Variants in PIK3CA observed in about 807,000 individuals in gnomAD.
PIK3CA encodes phosphatidylinositol-4,5-bisphosphate 3-kinase catalytic subunit alpha.
PIK3CA carries 27 observed loss-of-function variants against 138.2 expected under a neutral mutation model. That is an observed-to-expected ratio of 0.20 (90% CI 0.14 to 0.27). PIK3CA has a LOEUF of 0.27. PIK3CA is among the 10% of genes least tolerant of loss of function. The probability of loss-of-function intolerance (pLI) is 1.00; values close to 1 mark genes in which losing one functional copy is unlikely to be tolerated. For missense variants in PIK3CA, 544 were observed against 1,277.4 expected (o/e 0.43, Z 8.75); for synonymous variants, 358 against 413.2 (o/e 0.87, Z 1.62).
intron 1 of PIK3CA, among the ~76,000 whole-genome samples, chr3:179,193,968 T>C (rs1724199330): frequency 1.3e-5 from 2 of 152,232 alleles, no homozygotes; most frequent in African/African-American, 4.8e-5. Context: ...TTAAATTTAA[T>C]AATCCCATCC....
intron 1 of PIK3CA, among the ~76,000 whole-genome samples, chr3:179,197,487 C>T (rs1724298463): frequency 6.6e-6 from 1 of 152,214 alleles, no homozygotes; most frequent in African/African-American, 2.4e-5. Context: ...AATTACCCTA[C>T]ACACAGCATA....
At chr3:179,155,872 GA>G in intron 1 of PIK3CA, among the ~76,000 whole-genome samples, 1 of 152,030 alleles carries the variant, frequency 6.6e-6, no homozygotes, top group Non-Finnish European at 1.5e-5. Flanking sequence ...GTGCTGTGGT[GA>G]AAAAAAATTC....
chr3:179,214,542 A>G (rs186090205), intron 9 of PIK3CA, among the ~76,000 whole-genome samples: 244 of 152,258 alleles, frequency 1.6e-3, no homozygotes, highest in Non-Finnish European at 3.0e-3. Flanking sequence ...CTGATCTTTG[A>G]TCACAGATCA....
chr3:179,204,586 C>G lies in PIK3CA; in HGVS notation c.1143C>G (p.Pro381=), dbSNP rs72561481. The part of the protein sequence containing the change: ...VNTQRVPCSN[P]RWNEWLNYDI... The stretch of plus-strand genomic sequence containing the variant: ...CTCAAAGAGTACCTTGTTCCAATCC[C>G]AGGTAAGGAAGTATATAGATTTATA... The change falls in exon 6 of 21, where the codon CCC becomes CCG. Residue 381 remains proline (P), a splice_region_variant and synonymous_variant. Transcript: ENST00000263967. 5.7e-4 allele frequency: 828 copies of G among 1,450,270 alleles called. 1 individual carries two copies. In the African/African-American group the frequency reaches 0.01, roughly 18 times the overall value. 89.8% of individuals were successfully genotyped at this position (1,450,270 alleles called of 1,614,324 possible). A position where few individuals can be genotyped will look rare whatever the true frequency, so the allele number is the denominator to read the frequency against.
Position 179,199,130 on chromosome 3 carries a change from T to A in PIK3CA, c.305T>A (p.Ile102Asn), listed in dbSNP as rs2108386225. Residue 102 changes from isoleucine (I) to asparagine (N), a missense_variant, in exon 2 of 21, where the codon ATT (isoleucine) becomes AAT (asparagine). Coordinates refer to ENST00000263967, the MANE Select transcript of PIK3CA (RefSeq NM_006218.4). ...LRLFQPFLKV[I>N]EPVGNREEKI... Reference sequence around the variant, plus strand: ...CTTTTTCAACCCTTTTTAAAAGTAATTGAACCAGTAGGCAACCGTGAAGAA... The same window carrying A: ...CTTTTTCAACCCTTTTTAAAAGTAAATGAACCAGTAGGCAACCGTGAAGAA... 1 of 1,604,664 alleles carries A rather than the reference T, an allele frequency of 6.2e-7. No individual in the cohort carries two copies. The highest frequency in any genetic ancestry group is 8.5e-7 in the Non-Finnish European group (1 of 1,177,270).
intron 6 of PIK3CA, among the ~76,000 whole-genome samples, chr3:179,207,569 C>T (rs1417273335): frequency 2.7e-5 from 4 of 145,610 alleles, no homozygotes; most frequent in African/African-American, 7.7e-5. Context: ...TTTTTGGAGG[C>T]GGAGTCTTGC....
At position 179,224,773 on chromosome 3, in the gene PIK3CA, T is replaced by C. The variant is rs2108418067; in HGVS notation, c.2368T>C (p.Ser790Pro). Residue 790 changes from serine (S) to proline (P), a missense_variant, in exon 16 of 21, where the codon TCA (serine) becomes CCA (proline). This residue lies in a region of PIK3CA where 72 missense variants were observed against 271.8 expected (regional missense o/e 0.26). Coordinates refer to ENST00000263967, the MANE Select transcript of PIK3CA (RefSeq NM_006218.4). The part of the protein sequence containing the change: ...WLNWENPDIM[S>P]ELLFQNNEII... ...GAATTGGGAGAACCCAGACATCATG[T>C]CAGAGTTACTGTTTCAGAACAATGA... The C allele has an allele frequency of 2.5e-6, 4 of 1,606,728 alleles. No homozygotes were observed. The highest frequency in any genetic ancestry group is 3.4e-6 in the Non-Finnish European group (4 of 1,173,872).
chr3:179,201,609 A>ATTATTTT, intron 4 of PIK3CA, 69 bp downstream of exon 4: 1 of 762,314 alleles, frequency 1.3e-6, no homozygotes. Flanking sequence ...GAGTATCTGT[A>ATTATTTT]TTTTTTTTTT....
At position 179,194,607 on chromosome 3, in the gene PIK3CA, CCTT is replaced by C. The variant is rs377218746; in HGVS notation, c.-76-4139_-76-4137del. ...TGGCCCCTACCTACCTTTTGCCTCT[CCTT>C]CTTTGTCACATACTCCACCTGTTCC... On this transcript the variant is annotated intron_variant, in intron 1 of 20. Transcript: ENST00000263967. 3.3e-4 allele frequency among the ~76,000 whole-genome samples: 51 copies of C among 152,296 alleles called. No homozygotes were observed. The East Asian group carries it at 4.4e-3, about 13-fold the overall frequency.
chr3:179,173,416 A>C (rs1175852749), intron 1 of PIK3CA, among the ~76,000 whole-genome samples: 3 of 149,628 alleles, frequency 2.0e-5, no homozygotes, highest in Admixed American at 6.6e-5. Flanking sequence ...AAAAAAAAAA[A>C]AAAAAAAAAA....
chr3:179,212,199 G>T (rs1724730514), intron 9 of PIK3CA, among the ~76,000 whole-genome samples: 2 of 151,408 alleles, frequency 1.3e-5, no homozygotes, highest in Admixed American at 1.3e-4. Context: ...ATAGAGACGG[G>T]GTGTCTCCAT....
intron 16 of PIK3CA, 41 bp downstream of exon 16, chr3:179,224,862 G>A (rs541162530): frequency 1.4e-6 from 2 of 1,459,846 alleles, no homozygotes; most frequent in Non-Finnish European, 1.9e-6. Flanking sequence ...CATGAATTTA[G>A]CTATCTTTTT....
Position 179,210,166 on chromosome 3 carries a change from A to G in PIK3CA, c.1252-20A>G. 1 of 1,547,850 alleles carries G rather than the reference A, an allele frequency of 6.5e-7. No individual in the cohort carries two copies. Among genetic ancestry groups the G allele is most frequent in the Non-Finnish European group, 8.7e-7 (1 of 1,153,166 alleles). ...TGTTTTATAATTTAGACTAGTGAAT[A>G]TTTTTCTTTGTTTTTTAAGGAACAC... On this transcript the variant is annotated intron_variant, in intron 7 of 20. Coordinates refer to ENST00000263967, the MANE Select transcript of PIK3CA (RefSeq NM_006218.4).
chr3:179,222,640 T>G (rs186708682), intron 14 of PIK3CA, among the ~76,000 whole-genome samples: 15 of 152,320 alleles, frequency 9.8e-5, no homozygotes, highest in Admixed American at 7.8e-4. Context: ...CGCTGTAGAC[T>G]ATTGGTCGTT....
At chr3:179,177,235 T>A (rs1181241176) in intron 1 of PIK3CA, among the ~76,000 whole-genome samples, 1 of 152,110 alleles carries the variant, frequency 6.6e-6, no homozygotes, top group African/African-American at 2.4e-5. Flanking sequence ...GACCAGAATC[T>A]TTGACTTTTA....
chr3:179,219,283 T>C lies in PIK3CA; in HGVS notation c.1746+6T>C, dbSNP rs781643266. On this transcript the variant is annotated splice_donor_region_variant and intron_variant, in intron 11 of 20. Coordinates refer to ENST00000263967, the MANE Select transcript of PIK3CA (RefSeq NM_006218.4). This position sits in a 1 kb window ranked among gnomAD's most constrained non-coding sequence, Gnocchi z 4.2. ...CTAGAGATGAAGTAGCCCAGGTAAATGTATGTTTGAGATTACTAGATAACT... is the reference window on the plus strand; with the variant it reads ...CTAGAGATGAAGTAGCCCAGGTAAACGTATGTTTGAGATTACTAGATAACT... The C allele has an allele frequency of 2.6e-6, 4 of 1,532,082 alleles. 1 individual carries two copies. Among genetic ancestry groups the C allele is most frequent in the Non-Finnish European group, 3.6e-6 (4 of 1,106,356 alleles). The allele number at this position is 1,532,082 out of a possible 1,614,324, so 94.9% of individuals were successfully genotyped here.
intron 1 of PIK3CA, among the ~76,000 whole-genome samples, chr3:179,169,432 A>G (rs923609428): frequency 4.6e-5 from 7 of 152,156 alleles, no homozygotes; most frequent in Admixed American, 1.3e-4. Context: ...GAGAATGTGG[A>G]ATGTTTTTCC....
chr3:179,153,441 A>T (rs1000414251), intron 1 of PIK3CA, among the ~76,000 whole-genome samples: 1 of 152,214 alleles, frequency 6.6e-6, no homozygotes, highest in Non-Finnish European at 1.5e-5. Flanking sequence ...GGAAAATTCT[A>T]CACCTGGCAT....
At chr3:179,233,180 GA>G in intron 20 of PIK3CA, 1 of 395,620 alleles carries the variant, frequency 2.5e-6, no homozygotes, top group Non-Finnish European at 4.5e-6. Context: ...ATTTTTTGGA[GA>G]ACTCTTGGGT....
Sources: gnomAD v4.1 joint callset for allele counts (sites outside exome capture counted in the v4.1 genomes callset) on GRCh38, gnomAD v4.1.1 for gene constraint, gnomAD v4.1.1 regional missense constraint, Gnocchi (gnomAD v3.1) non-coding constraint, MANE v1.5 for transcripts, NCBI Gene and HGNC (gene_info 2026-07-23, HGNC 2026-07-21) for gene names.